Variants in DNTTIP2 observed in about 807,000 individuals in gnomAD.
DNTTIP2 encodes deoxynucleotidyltransferase terminal interacting protein 2, also known as deoxynucleotidyltransferase terminal-interacting protein 2.
Under a neutral mutation model 62.4 loss-of-function variants are expected in DNTTIP2, and 47 were observed. The ratio of observed to expected loss-of-function variants is 0.75; its 90% CI spans 0.60 to 0.96. The LOEUF (loss-of-function observed/expected upper bound fraction) is 0.96. DNTTIP2 is among the 40% of genes least tolerant of loss of function. The pLI is 0.00. For synonymous variants in DNTTIP2, 322 were observed against 300.9 expected (o/e 1.07, Z -0.73); for missense variants, 870 against 849.1 (o/e 1.02, Z -0.31).
chr1:93,870,902 T>C, intron 5 of DNTTIP2, 110 bp from the exon 6 acceptor site: 1 of 507,684 alleles, frequency 2.0e-6, no homozygotes, highest in South Asian at 5.3e-5. Context: ...CAAGCTTACA[T>C]TACACTAATA....
Position 93,873,219 on chromosome 1 carries a change from A to G in DNTTIP2, c.1807-5T>C. 2 of 1,599,908 alleles carry G rather than the reference A, an allele frequency of 1.3e-6. No homozygotes were observed. Among genetic ancestry groups the G allele is most frequent in the Middle Eastern group, 1.7e-4 (1 of 6,028 alleles). On this transcript the variant is annotated splice_region_variant and splice_polypyrimidine_tract_variant and intron_variant, in intron 3 of 6. Transcript: ENST00000436063. ...AATGACGGCTTTCTGCAGAAGCTATAAAAACATAAAATTGGTTTTAAAATA... is the reference window on the plus strand; with the variant it reads ...AATGACGGCTTTCTGCAGAAGCTATGAAAACATAAAATTGGTTTTAAAATA...
At position 93,877,305 on chromosome 1, in the gene DNTTIP2, T is replaced by C; in HGVS notation, c.630A>G (p.Leu210=). 3 of 1,613,588 alleles carry C rather than the reference T, an allele frequency of 1.9e-6. No homozygotes were observed. The highest frequency in any genetic ancestry group is 2.5e-6 in the Non-Finnish European group (3 of 1,179,748). The change falls in exon 2 of 7, where the codon TTA becomes TTG. Residue 210 remains leucine, a synonymous_variant. Coordinates refer to ENST00000436063, the MANE Select transcript of DNTTIP2 (RefSeq NM_014597.5). ...TRRTRSMQRK[L]KAQTEKKDSK... is the part of the protein sequence containing the mutation. ...TATCTTTCTTTTCAGTTTGTGCCTT[T>C]AATTTCCTCTGCATACTCCTGGTTC... is the stretch of plus-strand genomic sequence containing the variant.
rs1374643193 is a variant in DNTTIP2 at position 93,876,295 on chromosome 1, T to C, written c.1640A>G (p.Asp547Gly). The C allele has an allele frequency of 5.8e-6, 9 of 1,545,442 alleles. No homozygotes were observed. Among genetic ancestry groups the C allele is most frequent in the East Asian group, 2.5e-5 (1 of 40,778 alleles). The change falls in exon 2 of 7, where the codon GAC (aspartate) becomes GGC (glycine). Residue 547 changes from aspartate to glycine, a missense_variant. Coordinates refer to ENST00000436063, the MANE Select transcript of DNTTIP2 (RefSeq NM_014597.5). ...ENEDEFSDEEDFLNSTKAKLL... is the reference protein window; with the variant it reads ...ENEDEFSDEEGFLNSTKAKLL... ...TTTAGCCTTTGTGCTATTTAGGAAG[T>C]CTTCTTCATCACTAAACTCATCTTC...
At chr1:93,875,524 A>T in intron 3 of DNTTIP2, 121 bp downstream of exon 3, 1 of 968,244 alleles carries the variant, frequency 1.0e-6, no homozygotes, top group East Asian at 2.7e-5. Context: ...AGAGAGAAGG[A>T]AAAAACTAAC....
At position 93,869,919 on chromosome 1, in the gene DNTTIP2, T is replaced by G. The variant is rs141235412; in HGVS notation, c.2203A>C (p.Ile735Leu). 1 of 780,178 alleles carries G rather than the reference T, an allele frequency of 1.3e-6. No homozygotes were observed. The highest frequency in any genetic ancestry group is 1.7e-5 in the African/African-American group (1 of 59,234). The allele number at this position is 780,178 out of a possible 1,614,324, so 48.3% of individuals were successfully genotyped here. The part of the protein sequence containing the change: ...RRYNRRKYSE[I>L]MAEKAANAAG... The stretch of plus-strand genomic sequence containing the variant: ...GCATTTGCTGCTTTTTCAGCCATGA[T>G]CTCTGAGTACTTCCTTCGGTTGTAT... The change falls in exon 7 of 7, where the codon ATC becomes CTC. Residue 735 changes from isoleucine to leucine, a missense_variant. Transcript: ENST00000436063.
In DNTTIP2 at chr1:93,868,516, T is replaced by C. The variant is rs2100880382; in HGVS notation, c.*1335A>G. 6.6e-6 allele frequency: 1 copy of C among 152,330 alleles called. No individual in the cohort carries two copies. Among genetic ancestry groups the C allele is most frequent in the African/African-American group, 2.4e-5 (1 of 41,582 alleles). 9.4% of individuals were successfully genotyped at this position (152,330 alleles called of 1,614,324 possible). A position where few individuals can be genotyped will look rare whatever the true frequency, so the allele number is the denominator to read the frequency against. On this transcript the variant is annotated 3_prime_UTR_variant, in exon 7 of 7. Coordinates refer to ENST00000436063, the MANE Select transcript of DNTTIP2 (RefSeq NM_014597.5). ...TACTGGGTATATACCCAAAGGATTA[T>C]AAATCATTCTACTATAAAGACACAT...
chr1:93,870,876 A>C, intron 5 of DNTTIP2, 84 bp from the exon 6 acceptor site: 1 of 608,872 alleles, frequency 1.6e-6, no homozygotes, highest in Non-Finnish European at 2.7e-6. Flanking sequence ...ATATTTAGAG[A>C]AAGGAATGGA....
rs371614002 is a variant in DNTTIP2 at position 93,877,712 on chromosome 1, G to A, written c.223C>T (p.Leu75=). The A allele has an allele frequency of 1.3e-4, 209 of 1,613,826 alleles. 1 individual carries two copies. The highest frequency in any genetic ancestry group is 1.7e-4 in the Non-Finnish European group (198 of 1,179,898). Residue 75 remains leucine, a synonymous_variant, in exon 2 of 7, where the codon CTA becomes TTA. Coordinates refer to ENST00000436063, the MANE Select transcript of DNTTIP2 (RefSeq NM_014597.5). ...RKRKSRTTGS[L]PKGTEPSTDG... ...GTAGATGGTTCAGTCCCCTTTGGTA[G>A]TGAGCCTGTAGTTCTGCTCTTCCTC...
rs1180239972 is a variant in DNTTIP2 at position 93,877,355 on chromosome 1, A to C, written c.580T>G (p.Ser194Ala). The change falls in exon 2 of 7, where the codon TCA becomes GCA. Residue 194 changes from serine to alanine, a missense_variant. Ser to Ala is a moderately conservative substitution (Grantham distance 99). Transcript: ENST00000436063. ...CTTCTAGTTGCAATTCCAGAGAATG[A>C]AATGTCTGAGCTTGATGTCTCAGCA... ...SDAETSSSDI[S>A]FSGIATRRTR... 1 of 1,613,782 alleles carries C rather than the reference A, an allele frequency of 6.2e-7. No homozygotes were observed. The highest frequency in any genetic ancestry group is 2.2e-5 in the East Asian group (1 of 44,888).
chr1:93,870,973 T>G (rs569863287), intron 5 of DNTTIP2, 181 bp from the exon 6 acceptor site: 28 of 379,898 alleles, frequency 7.4e-5, no homozygotes, highest in African/African-American at 4.9e-4. Context: ...GTGGTGCTAT[T>G]ATGTTTCTTC....
chr1:93,878,832 T>C (rs1412802207), intron 1 of DNTTIP2: 7 of 506,552 alleles, frequency 1.4e-5, no homozygotes, highest in African/African-American at 3.9e-5. Flanking sequence ...CATTAAGGAG[T>C]TGAACGACCC....
In DNTTIP2 at chr1:93,866,355, A is replaced by G. The variant is rs1477813373; in HGVS notation, c.*3496T>C. 1.3e-5 allele frequency: 2 copies of G among 152,170 alleles called. No individual in the cohort carries two copies. The highest frequency in any genetic ancestry group is 2.9e-5 in the Non-Finnish European group (2 of 68,018). The allele number at this position is 152,170 out of a possible 1,614,324, so 9.4% of individuals were successfully genotyped here. ...TAATTAGAAAGCCCTTTTTGTTGCAACCCTTACTGAAAACTTTCAATAAAG... is the reference window on the plus strand; with the variant it reads ...TAATTAGAAAGCCCTTTTTGTTGCAGCCCTTACTGAAAACTTTCAATAAAG... On this transcript the variant is annotated 3_prime_UTR_variant, in exon 7 of 7. Coordinates refer to ENST00000436063, the MANE Select transcript of DNTTIP2 (RefSeq NM_014597.5).
chr1:93,874,468 A>G (rs1472551664), intron 3 of DNTTIP2, among the ~76,000 whole-genome samples: 1 of 152,192 alleles, frequency 6.6e-6, no homozygotes, highest in Admixed American at 6.5e-5. Flanking sequence ...GGGTTGTGAG[A>G]AGGACTGGAG....
chr1:93,875,580 C>T, intron 3 of DNTTIP2, 65 bp downstream of exon 3: 1 of 1,522,290 alleles, frequency 6.6e-7, no homozygotes, highest in Non-Finnish European at 8.8e-7. Flanking sequence ...AAGTCTTTTA[C>T]CAAGGACTAA....
chr1:93,869,881 C>A lies in DNTTIP2; in HGVS notation c.2241G>T (p.Lys747Asn). Reference protein sequence around the residue: ...AEKAANAAGKKFRKKKKFRN With the variant: ...AEKAANAAGKNFRKKKKFRN Reference sequence around the variant, plus strand: ...TGCGAAATTTCTTCTTCTTTCGGAACTTTTTTCCTGCTGCATTTGCTGCTT... The same window carrying A: ...TGCGAAATTTCTTCTTCTTTCGGAAATTTTTTCCTGCTGCATTTGCTGCTT... Residue 747 changes from lysine to asparagine, a missense_variant, in exon 7 of 7, where the codon AAG becomes AAT. Physicochemically the swap from Lys to Asn is moderately conservative, Grantham distance 94. Transcript: ENST00000436063. 1.3e-6 allele frequency: 1 copy of A among 780,270 alleles called. No homozygotes were observed. Among genetic ancestry groups the A allele is most frequent in the Middle Eastern group, 2.3e-4 (1 of 4,370 alleles). 48.3% of individuals were successfully genotyped at this position (780,270 alleles called of 1,614,324 possible).
chr1:93,872,137 C>G lies in DNTTIP2; in HGVS notation c.2002G>C (p.Ala668Pro). Residue 668 changes from alanine (A) to proline (P), a missense_variant, in exon 5 of 7, where the codon GCC becomes CCC. Transcript: ENST00000436063. ...KNDLKALKMR[A>P]SMDPKRFYKK... ...TAAAATCTTTTCGGGTCCATGCTGG[C>G]TCTCATCTTCAGTGCTTTGAGATCA... 2 of 1,613,874 alleles carry G rather than the reference C, an allele frequency of 1.2e-6. No individual in the cohort carries two copies. The highest frequency in any genetic ancestry group is 1.1e-5 in the South Asian group (1 of 91,078).
chr1:93,877,909 A>C, intron 1 of DNTTIP2, 47 bp from the exon 2 acceptor site: 1 of 1,546,610 alleles, frequency 6.5e-7, no homozygotes, highest in South Asian at 1.2e-5. Context: ...GGCTGGAACA[A>C]GGGCAAAGCA....
Position 93,867,939 on chromosome 1 carries a change from A to G in DNTTIP2, c.*1912T>C, listed in dbSNP as rs1231785820. 6.6e-6 allele frequency: 1 copy of G among 152,134 alleles called. No homozygotes were observed. The highest frequency in any genetic ancestry group is 1.5e-5 in the Non-Finnish European group (1 of 68,032). 9.4% of individuals were successfully genotyped at this position (152,134 alleles called of 1,614,324 possible). On this transcript the variant is annotated 3_prime_UTR_variant, in exon 7 of 7. Transcript: ENST00000436063. ...GCAGTAAATATGAGATTTTGGACAT[A>G]GGTATGGGCAGACTGCATGACTAAA... is the stretch of plus-strand genomic sequence containing the variant.
Position 93,868,753 on chromosome 1 carries a change from C to G in DNTTIP2, c.*1098G>C, listed in dbSNP as rs1655780287. 1 of 152,026 alleles carries G rather than the reference C, an allele frequency of 6.6e-6. No individual in the cohort carries two copies. The highest frequency in any genetic ancestry group is 2.4e-5 in the African/African-American group (1 of 41,382). 9.4% of individuals were successfully genotyped at this position (152,026 alleles called of 1,614,324 possible). A position where few individuals can be genotyped will look rare whatever the true frequency, so the allele number is the denominator to read the frequency against. ...CAAGAACAGAAAACTAACACAAGAACAGAAAACCAAACACTGCATGTTCTT... is the reference window on the plus strand; with the variant it reads ...CAAGAACAGAAAACTAACACAAGAAGAGAAAACCAAACACTGCATGTTCTT... On this transcript the variant is annotated 3_prime_UTR_variant, in exon 7 of 7. Coordinates refer to ENST00000436063, the MANE Select transcript of DNTTIP2 (RefSeq NM_014597.5).
Sources: gnomAD v4.1 joint callset for allele counts (sites outside exome capture counted in the v4.1 genomes callset) on GRCh38, gnomAD v4.1.1 for gene constraint, MANE v1.5 for transcripts, NCBI Gene and HGNC (gene_info 2026-07-23, HGNC 2026-07-21) for gene names.